Variants in CDKAL1 observed in about 807,000 individuals in gnomAD.
CDKAL1 encodes CDKAL1 threonylcarbamoyladenosine tRNA methylthiotransferase.
In CDKAL1, 32 loss-of-function variants were observed where a neutral mutation model predicts 68.2. That is an observed-to-expected ratio of 0.47 (90% confidence interval 0.35 to 0.63). The LOEUF (loss-of-function observed/expected upper bound fraction) is 0.63. Among genes scored for constraint, CDKAL1 ranks in the 30% least tolerant of loss-of-function variants. The pLI, the probability that CDKAL1 is intolerant of heterozygous loss-of-function variation, is 0.00. For synonymous variants in CDKAL1, 234 were observed against 244.3 expected, an observed-to-expected ratio of 0.96 and a Z score of 0.39; for missense variants, 606 against 696.7, an observed-to-expected ratio of 0.87 and a Z score of 1.47.
intron 5 of CDKAL1, among the ~76,000 whole-genome samples, chr6:20,709,826 T>G (rs1771766514): frequency 6.6e-6 from 1 of 152,162 alleles, no homozygotes. Context: ...TTTTCCTTGT[T>G]GTATGTAATG....
intron 4 of CDKAL1, among the ~76,000 whole-genome samples, chr6:20,558,292 G>A (rs1198451118): frequency 1.3e-5 from 2 of 152,202 alleles, no homozygotes; most frequent in Admixed American, 1.3e-4. Flanking sequence ...AAGGGACTCA[G>A]CTTTCTAGGA....
At chr6:20,757,796 G>A (rs886169519) in intron 6 of CDKAL1, among the ~76,000 whole-genome samples, 14 of 152,094 alleles carry the variant, frequency 9.2e-5, no homozygotes, top group African/African-American at 2.4e-4. Context: ...ATAAAACAAC[G>A]GTAATTTAAG....
chr6:20,970,789 A>G (rs1464750378), intron 10 of CDKAL1, among the ~76,000 whole-genome samples: 1 of 152,174 alleles, frequency 6.6e-6, no homozygotes, highest in Non-Finnish European at 1.5e-5. Context: ...AAGAAATAAT[A>G]TGGCATAGAT....
chr6:20,825,770 A>G (rs957470595), intron 8 of CDKAL1, among the ~76,000 whole-genome samples: 3 of 152,120 alleles, frequency 2.0e-5, no homozygotes, highest in African/African-American at 7.2e-5. Context: ...CAGCTTATTG[A>G]TATTAACCCG....
At chr6:21,087,227 A>T (rs1772741362) in intron 12 of CDKAL1, among the ~76,000 whole-genome samples, 1 of 152,234 alleles carries the variant, frequency 6.6e-6, no homozygotes, top group Non-Finnish European at 1.5e-5. Context: ...CTTTAAAATC[A>T]CAGCTGCTCT....
intron 9 of CDKAL1, among the ~76,000 whole-genome samples, chr6:20,910,380 G>A (rs1487825205): frequency 6.6e-6 from 1 of 152,198 alleles, no homozygotes; most frequent in Non-Finnish European, 1.5e-5. Flanking sequence ...AAAAATACAG[G>A]AGGCTCATGG....
chr6:20,674,920 T>C (rs748963988), intron 5 of CDKAL1, among the ~76,000 whole-genome samples: 5 of 152,220 alleles, frequency 3.3e-5, no homozygotes, highest in Non-Finnish European at 5.9e-5. Context: ...TAGAGTTTTA[T>C]CAGGTGTGAG....
intron 13 of CDKAL1, among the ~76,000 whole-genome samples, chr6:21,144,721 G>A (rs1776081112): frequency 6.6e-6 from 1 of 151,800 alleles, no homozygotes; most frequent in African/African-American, 2.4e-5. Context: ...GATCACCTGA[G>A]CCCAGGAGGT....
At position 20,593,907 on chromosome 6, in the gene CDKAL1, T is replaced by C. The variant is rs183775882; in HGVS notation, c.286+45202T>C. On this transcript the variant is annotated intron_variant, in intron 4 of 15. Coordinates refer to ENST00000274695, the MANE Select transcript of CDKAL1 (RefSeq NM_017774.3). ...GTTCTCATTGGTTTCAAAGAACTTA[T>C]TCATTTCTGCCTTAATTTTGTTATT... Among the ~76,000 whole-genome samples the C allele has an allele frequency of 2.7e-4, 41 of 152,370 alleles. 1 individual carries two copies. The highest frequency in any genetic ancestry group is 7.2e-4 in the Admixed American group (11 of 15,310).
At chr6:21,139,526 T>C (rs1448202916) in intron 13 of CDKAL1, among the ~76,000 whole-genome samples, 3 of 152,216 alleles carry the variant, frequency 2.0e-5, no homozygotes, top group Non-Finnish European at 1.5e-5. Context: ...TGCCTTTTTT[T>C]CCCCTTGAAA....
intron 15 of CDKAL1, among the ~76,000 whole-genome samples, chr6:21,229,243 A>G (rs553770814): frequency 1.3e-5 from 2 of 152,104 alleles, no homozygotes; most frequent in East Asian, 3.9e-4. Flanking sequence ...AGTTGTTTTC[A>G]TTTCCCCATT....
intron 9 of CDKAL1, among the ~76,000 whole-genome samples, chr6:20,881,241 A>C (rs1019852064): frequency 1.3e-5 from 2 of 152,190 alleles, no homozygotes; most frequent in African/African-American, 4.8e-5. Flanking sequence ...GTAGAGCTTG[A>C]GAATTTGCAT....
chr6:20,881,040 A>G (rs1380775545), intron 9 of CDKAL1, among the ~76,000 whole-genome samples: 2 of 152,178 alleles, frequency 1.3e-5, no homozygotes, highest in Non-Finnish European at 2.9e-5. Context: ...GTATCCTTCC[A>G]TGTGATTAAG....
At chr6:21,206,938 TTC>T (rs1491062293) in intron 15 of CDKAL1, among the ~76,000 whole-genome samples, 2 of 151,804 alleles carry the variant, frequency 1.3e-5, no homozygotes, top group African/African-American at 4.9e-5. Flanking sequence ...TCTTTTTTTT[TTC>T]TTTTTAGACA....
chr6:21,128,214 CTTTACT>C (rs1775116942), intron 13 of CDKAL1, among the ~76,000 whole-genome samples: 1 of 152,210 alleles, frequency 6.6e-6, no homozygotes, highest in African/African-American at 2.4e-5. Flanking sequence ...ATACTTAACA[CTTTACT>C]ATAGTATAGG....
chr6:20,972,704 C>T lies in CDKAL1; in HGVS notation c.909+17119C>T, dbSNP rs533144749. 3.9e-5 allele frequency among the ~76,000 whole-genome samples: 6 copies of T among 152,244 alleles called. No homozygotes were observed. In the East Asian group the frequency reaches 1.2e-3, roughly 29 times the overall value. On this transcript the variant is annotated intron_variant, in intron 10 of 15. Transcript: ENST00000274695. ...TTGGAATTATGAAGCTTATGGACCT[C>T]CCTTCTCTTAGGAAAGCATGCTTGA...
At chr6:20,703,722 TATA>T (rs1771476403) in intron 5 of CDKAL1, among the ~76,000 whole-genome samples, 1 of 152,090 alleles carries the variant, frequency 6.6e-6, no homozygotes, top group Non-Finnish European at 1.5e-5. Flanking sequence ...AAAAACATGA[TATA>T]ATAGTAAAAA....
At chr6:20,729,385 C>G (rs1276467176) in intron 5 of CDKAL1, among the ~76,000 whole-genome samples, 2 of 152,116 alleles carry the variant, frequency 1.3e-5, no homozygotes, top group Non-Finnish European at 2.9e-5. Context: ...TCTTATCCAA[C>G]AAAAGTAGTT....
intron 10 of CDKAL1, among the ~76,000 whole-genome samples, chr6:20,956,930 T>C (rs1413941936): frequency 6.7e-6 from 1 of 149,546 alleles, no homozygotes; most frequent in Non-Finnish European, 1.5e-5. Context: ...TGATTTGCTA[T>C]TTAAAAATAA....
Sources: gnomAD v4.1 joint callset for allele counts (sites outside exome capture counted in the v4.1 genomes callset) on GRCh38, gnomAD v4.1.1 for gene constraint, MANE v1.5 for transcripts, NCBI Gene and HGNC (gene_info 2026-07-23, HGNC 2026-07-21) for gene names.